The following LRRC27 variants were observed in gnomAD, a reference collection of about 807,000 sequenced individuals.
LRRC27 encodes leucine rich repeat containing 27, also known as leucine-rich repeat-containing protein 27.
A neutral mutation model predicts 55.0 loss-of-function variants in LRRC27; 57 were observed. The ratio of observed to expected loss-of-function variants is 1.04; its 90% confidence interval spans 0.84 to 1.29. The LOEUF (loss-of-function observed/expected upper bound fraction) is 1.29. Among genes scored for constraint, LRRC27 ranks in the 50% most tolerant of loss-of-function variants. LRRC27 has a pLI of 0.00. For synonymous variants in LRRC27, 278 were observed against 251.9 expected (o/e 1.10, Z -0.98); for missense variants, 721 against 651.5 (o/e 1.11, Z -1.16).
chr10:132,367,471 C>T (rs2069125350), intron 10 of LRRC27, among the ~76,000 whole-genome samples: 1 of 152,208 alleles, frequency 6.6e-6, no homozygotes, highest in Non-Finnish European at 1.5e-5. Context: ...AGACCAATAT[C>T]GCTCATGAAT....
chr10:132,363,911 C>A (rs1045860288), intron 9 of LRRC27, among the ~76,000 whole-genome samples: 41 of 152,026 alleles, frequency 2.7e-4, no homozygotes, highest in Admixed American at 3.9e-4. Flanking sequence ...ATCTCGAAGG[C>A]CAACTAGGTT....
rs1169458111 is a variant in LRRC27, at chr10:132,365,425, G to T, written c.1291G>T (p.Ala431Ser). Residue 431 changes from alanine to serine, a missense_variant and splice_region_variant, in exon 10 of 11, where the codon GCC becomes TCC. Ala to Ser is a moderately conservative substitution (Grantham distance 99). Coordinates refer to ENST00000368614, the MANE Select transcript of LRRC27 (RefSeq NM_030626.3). ...CCCTCTTTGCCCTTTGTTTCTCAGT[G>T]CCCTGCAGGAGAGAAATTTAGAAGA... The part of the protein sequence containing the change: ...KSPQASKEMS[A>S]LQERNLEEKI... 1.2e-6 allele frequency: 2 copies of T among 1,613,490 alleles called. No homozygotes were observed. Among genetic ancestry groups the T allele is most frequent in the Admixed American group, 3.3e-5 (2 of 60,010 alleles).
Position 132,364,368 on chromosome 10 carries a change from T to TACACCCACCCACACTC in LRRC27, c.1290-1041_1290-1040insCACACCCACCCACACT, listed in dbSNP as rs2068820132. Among the ~76,000 whole-genome samples, 8 of 1,550 alleles carry TACACCCACCCACACTC rather than the reference T, an allele frequency of 5.2e-3. 1 individual carries two copies. Among genetic ancestry groups the TACACCCACCCACACTC allele is most frequent in the African/African-American group, 0.014 (8 of 566 alleles). The allele number at this position is 1,550 out of a possible 152,430, so 1.0% of individuals were successfully genotyped here. On this transcript the variant is annotated intron_variant, in intron 9 of 10. Transcript: ENST00000368614. The stretch of plus-strand genomic sequence containing the variant: ...CTTAATCTACCTCCACACCCGCGCT[T>TACACCCACCCACACTC]ACACCCACCCACACTTACACCCACC...
At chr10:132,349,969 G>C (rs987496721) in intron 6 of LRRC27, among the ~76,000 whole-genome samples, 1 of 152,214 alleles carries the variant, frequency 6.6e-6, no homozygotes, top group African/African-American at 2.4e-5. Context: ...CAGGTATTAA[G>C]AAGAAGCTCT....
intron 5 of LRRC27, among the ~76,000 whole-genome samples, chr10:132,346,542 C>T (rs1041494813): frequency 2.3e-4 from 35 of 152,016 alleles, no homozygotes; most frequent in African/African-American, 6.8e-4. Context: ...TGGGCGTGGT[C>T]GTGGGCACCT....
rs918869784 is a variant in LRRC27, at chr10:132,348,378, G to C, written c.926+22G>C. The C allele has an allele frequency of 3.8e-6, 6 of 1,596,160 alleles. No homozygotes were observed. Among genetic ancestry groups the C allele is most frequent in the Non-Finnish European group, 5.1e-6 (6 of 1,170,328 alleles). On this transcript the variant is annotated intron_variant, in intron 6 of 10. Transcript: ENST00000368614. The surrounding 1 kb of genome is among the most constrained non-coding windows in gnomAD (Gnocchi z 4.2). ...TCAGGTAAAACTGAAAAGCAACGGG[G>C]GATTTTCTTGATCTTTGCGAATTTA...
intron 6 of LRRC27, chr10:132,351,319 C>T (rs2067999148): frequency 1.1e-5 from 4 of 352,346 alleles, no homozygotes; most frequent in East Asian, 5.8e-5. Context: ...GCCGAGGCTG[C>T]ACGTCCTTCA....
chr10:132,357,949 G>A (rs2068381339), intron 8 of LRRC27, among the ~76,000 whole-genome samples: 1 of 152,166 alleles, frequency 6.6e-6, no homozygotes, highest in African/African-American at 2.4e-5. Flanking sequence ...CACAGGCCCT[G>A]GGTGAGGCAG....
chr10:132,349,583 C>T (rs1336306743), intron 6 of LRRC27, among the ~76,000 whole-genome samples: 1 of 152,216 alleles, frequency 6.6e-6, no homozygotes, highest in Non-Finnish European at 1.5e-5. Context: ...TTCTTCCCTC[C>T]TCCCTTCAAA....
chr10:132,359,209 C>G (rs1369772357), intron 8 of LRRC27, among the ~76,000 whole-genome samples: 1 of 151,642 alleles, frequency 6.6e-6, no homozygotes, highest in African/African-American at 2.4e-5. Flanking sequence ...GAGGCTGCTG[C>G]CACCAGCTGC....
At chr10:132,368,724 T>G (rs1045215559) in intron 10 of LRRC27, among the ~76,000 whole-genome samples, 4 of 152,182 alleles carry the variant, frequency 2.6e-5, no homozygotes, top group African/African-American at 9.7e-5. Flanking sequence ...GGAGAAAACC[T>G]AAGTGACCTT....
rs1469648203 is a variant in LRRC27, at chr10:132,348,933, GC to G, written c.926+579del. The G allele has an allele frequency of 1.3e-6, 2 of 1,523,096 alleles. No individual in the cohort carries two copies. The highest frequency in any genetic ancestry group is 1.8e-6 in the Non-Finnish European group (2 of 1,115,780). The allele number at this position is 1,523,096 out of a possible 1,614,324, so 94.3% of individuals were successfully genotyped here. A position where few individuals can be genotyped will look rare whatever the true frequency, so the allele number is the denominator to read the frequency against. ...TGCCTTTGGTACAGTGAGTTTGGGGGCCGAGATTTTATTTTCCTTTCACACC... is the reference window on the plus strand; with the variant it reads ...TGCCTTTGGTACAGTGAGTTTGGGGGCGAGATTTTATTTTCCTTTCACACC... On this transcript the variant is annotated intron_variant, in intron 6 of 10. Transcript: ENST00000368614. This position sits in a 1 kb window ranked among gnomAD's most constrained non-coding sequence, Gnocchi z 4.2.
chr10:132,369,497 A>T (rs61864527), intron 10 of LRRC27, among the ~76,000 whole-genome samples: 13,807 of 152,310 alleles, frequency 0.091, 770 homozygotes, highest in Admixed American at 0.16. Flanking sequence ...AAAAGGCCGT[A>T]CACAGATGGA....
At position 132,348,288 on chromosome 10, in the gene LRRC27, A is replaced by G; in HGVS notation, c.858A>G (p.Glu286=). The change falls in exon 6 of 11, where the codon GAA becomes GAG. Residue 286 remains glutamate, a synonymous_variant. Coordinates refer to ENST00000368614, the MANE Select transcript of LRRC27 (RefSeq NM_030626.3). This position sits in a 1 kb window ranked among gnomAD's most constrained non-coding sequence, Gnocchi z 4.2. Reference sequence around the variant, plus strand: ...TGGGAGATCAGCTCTTGACGAGGGAATTACCTCCAAATCTCAAGGCGGCCT... The same window carrying G: ...TGGGAGATCAGCTCTTGACGAGGGAGTTACCTCCAAATCTCAAGGCGGCCT... ...DVLGDQLLTR[E]LPPNLKAALN... The G allele has an allele frequency of 6.2e-7, 1 of 1,614,054 alleles. No homozygotes were observed. Among genetic ancestry groups the G allele is most frequent in the Non-Finnish European group, 8.5e-7 (1 of 1,180,042 alleles).
intron 7 of LRRC27, among the ~76,000 whole-genome samples, 194 bp downstream of exon 7, chr10:132,351,947 C>G (rs530933727): frequency 2.1e-4 from 32 of 152,284 alleles, no homozygotes; most frequent in African/African-American, 7.2e-4. Flanking sequence ...GCGCCACGCA[C>G]GGGCTCGCTT....
chr10:132,364,230 G>T (rs2068794554), intron 9 of LRRC27, among the ~76,000 whole-genome samples: 2 of 151,826 alleles, frequency 1.3e-5, no homozygotes, highest in Admixed American at 1.3e-4. Context: ...CTGCTGCTGG[G>T]AGTAAGAGGG....
chr10:132,376,491 G>A lies in LRRC27; in HGVS notation c.*1249G>A, dbSNP rs1381279379. The A allele has an allele frequency of 1.3e-5, 2 of 152,292 alleles. No individual in the cohort carries two copies. Among genetic ancestry groups the A allele is most frequent in the African/African-American group, 4.8e-5 (2 of 41,478 alleles). 9.4% of individuals were successfully genotyped at this position (152,292 alleles called of 1,614,324 possible). A position where few individuals can be genotyped will look rare whatever the true frequency, so the allele number is the denominator to read the frequency against. On this transcript the variant is annotated 3_prime_UTR_variant, in exon 11 of 11. Coordinates refer to ENST00000368614, the MANE Select transcript of LRRC27 (RefSeq NM_030626.3). ...ACGTTTGCCATTTCTCACGCCTGAG[G>A]GCAGGCGTTGGAGCAGCTCAGCCGG...
rs2069334413 is a variant in LRRC27, at chr10:132,376,105, T to C, written c.*863T>C. 1 of 152,270 alleles carries C rather than the reference T, an allele frequency of 6.6e-6. No individual in the cohort carries two copies. Among genetic ancestry groups the C allele is most frequent in the Non-Finnish European group, 1.5e-5 (1 of 68,046 alleles). 9.4% of individuals were successfully genotyped at this position (152,270 alleles called of 1,614,324 possible). The stretch of plus-strand genomic sequence containing the variant: ...TCCTCATTTCATCCAAGTTGTGCAA[T>C]GTATCAGCATAAAGTTCCTCTTATT... On this transcript the variant is annotated 3_prime_UTR_variant, in exon 11 of 11. Transcript: ENST00000368614.
At position 132,341,067 on chromosome 10, in the gene LRRC27, G is replaced by A. The variant is rs189259612; in HGVS notation, c.342-1146G>A. On this transcript the variant is annotated intron_variant, in intron 3 of 10. Coordinates refer to ENST00000368614, the MANE Select transcript of LRRC27 (RefSeq NM_030626.3). The stretch of plus-strand genomic sequence containing the variant: ...TCCCAGCACTTTGAGAGGCTGAGGC[G>A]GGAGGATCACTTGAGCCCAGGAGTT... 3.3e-5 allele frequency among the ~76,000 whole-genome samples: 5 copies of A among 152,232 alleles called. 1 individual carries two copies. Among genetic ancestry groups the A allele is most frequent in the Admixed American group, 2.0e-4 (3 of 15,282 alleles).
Sources: gnomAD v4.1 joint callset for allele counts (sites outside exome capture counted in the v4.1 genomes callset) on GRCh38, gnomAD v4.1.1 for gene constraint, Gnocchi (gnomAD v3.1) non-coding constraint, MANE v1.5 for transcripts, NCBI Gene and HGNC (gene_info 2026-07-23, HGNC 2026-07-21) for gene names.